The following SLC5A11 variants were observed in gnomAD, a reference collection of about 807,000 sequenced individuals.
The protein encoded by SLC5A11 is solute carrier family 5 member 11, also known as sodium/myo-inositol cotransporter 2.
SLC5A11 carries 48 observed loss-of-function variants against 69.8 expected under a neutral mutation model. That is an observed-to-expected ratio of 0.69 (90% CI 0.55 to 0.87). SLC5A11 has a LOEUF of 0.87. Among genes scored for constraint, SLC5A11 ranks in the 40% least tolerant of loss-of-function variants. The probability of loss-of-function intolerance (pLI) is 0.00; values close to 1 mark genes in which losing one functional copy is unlikely to be tolerated. For synonymous variants in SLC5A11, 319 were observed against 342.4 expected, an observed-to-expected ratio of 0.93 and a Z score of 0.75; for missense variants, 784 against 866.1, an observed-to-expected ratio of 0.91 and a Z score of 1.19.
intron 9 of SLC5A11, among the ~76,000 whole-genome samples, chr16:24,895,684 A>G (rs931412671): frequency 8.6e-5 from 13 of 151,996 alleles, no homozygotes; most frequent in Admixed American, 3.9e-4. Context: ...TGACCGGCTG[A>G]ATGTGCTGTG....
chr16:24,901,940 A>ACG (rs1555532942), intron 10 of SLC5A11, among the ~76,000 whole-genome samples: 1 of 115,236 alleles, frequency 8.7e-6, no homozygotes, highest in African/African-American at 3.6e-5. Context: ...ATACACACAC[A>ACG]CACACACACA....
At chr16:24,871,948 G>C (rs958525847) in intron 4 of SLC5A11, among the ~76,000 whole-genome samples, 1 of 152,060 alleles carries the variant, frequency 6.6e-6, no homozygotes, top group Non-Finnish European at 1.5e-5. Context: ...CATCGCAAAG[G>C]CCTTCTTTTT....
At chr16:24,907,070 C>A (rs774714960) in exon 12 of SLC5A11, 4 of 1,614,060 alleles carry the variant, frequency 2.5e-6, no homozygotes, top group Non-Finnish European at 3.4e-6. Context: ...GCTCTCATGT[C>A]CTCCCTCACC....
chr16:24,869,545 A>G (rs2047141368), intron 3 of SLC5A11, among the ~76,000 whole-genome samples: 1 of 152,154 alleles, frequency 6.6e-6, no homozygotes, highest in African/African-American at 2.4e-5. Context: ...CTCATCATGA[A>G]TCACTTTCTA....
chr16:24,875,564 GT>G (rs199554083), intron 5 of SLC5A11, 62 bp from the exon 7 acceptor site: 1 of 1,306,928 alleles, frequency 7.7e-7, no homozygotes, highest in Non-Finnish European at 1.1e-6. Context: ...AAGGGCTTGT[GT>G]GGGGGGGTCA....
intron 9 of SLC5A11, among the ~76,000 whole-genome samples, chr16:24,894,969 A>G (rs2049051711): frequency 6.6e-6 from 1 of 151,542 alleles, no homozygotes; most frequent in South Asian, 2.1e-4. Flanking sequence ...AAATTTAAAA[A>G]ATATTAATAG....
chr16:24,869,785 G>T, intron 3 of SLC5A11, 116 bp from the exon 5 acceptor site: 2 of 677,586 alleles, frequency 3.0e-6, no homozygotes, highest in South Asian at 3.6e-5. Flanking sequence ...GCTAGGGGTG[G>T]CCCTGCCTTC....
intron 8 of SLC5A11, among the ~76,000 whole-genome samples, chr16:24,887,178 T>C (rs2048450861): frequency 6.6e-6 from 1 of 152,110 alleles, no homozygotes; most frequent in Non-Finnish European, 1.5e-5. Context: ...TTCTGAACCA[T>C]GCAAAGACTT....
intron 3 of SLC5A11, among the ~76,000 whole-genome samples, chr16:24,863,098 A>T (rs369566407): frequency 8.0e-6 from 1 of 124,762 alleles, no homozygotes; most frequent in Non-Finnish European, 1.9e-5. Flanking sequence ...TAATAGATAT[A>T]TATTATATAT....
intron 10 of SLC5A11, among the ~76,000 whole-genome samples, chr16:24,900,601 T>A (rs1053332149): frequency 3.3e-5 from 5 of 152,036 alleles, no homozygotes; most frequent in Admixed American, 2.6e-4. Context: ...GTTCAGCAAG[T>A]CTTGACATAG....
At chr16:24,896,699 G>C (rs564691229) in intron 9 of SLC5A11, among the ~76,000 whole-genome samples, 1 of 152,278 alleles carries the variant, frequency 6.6e-6, no homozygotes, top group South Asian at 2.1e-4. Flanking sequence ...GAGAGGTGAA[G>C]TTGCTTGCCC....
At chr16:24,858,920 C>T (rs2059648503) in intron 2 of SLC5A11, 142 bp downstream of exon 3, 5 of 1,138,122 alleles carry the variant, frequency 4.4e-6, no homozygotes, top group Middle Eastern at 2.9e-4. Context: ...GTAATCAGAA[C>T]TTAAAAATTT....
chr16:24,897,262 CTTT>C (rs2049249663), intron 9 of SLC5A11, among the ~76,000 whole-genome samples: 1 of 151,920 alleles, frequency 6.6e-6, no homozygotes, highest in Non-Finnish European at 1.5e-5. Flanking sequence ...CCTCCTTTGC[CTTT>C]TTAAGGAAGA....
chr16:24,868,596 CAAAAA>C (rs71156448), intron 3 of SLC5A11, among the ~76,000 whole-genome samples: 1 of 123,942 alleles, frequency 8.1e-6, no homozygotes. Flanking sequence ...GACTCCGCCT[CAAAAA>C]AAAAAAAAAA....
chr16:24,849,593 A>AAAAAAAAATATATATATAT, intron 1 of SLC5A11, among the ~76,000 whole-genome samples: 1 of 35,908 alleles, frequency 2.8e-5, no homozygotes, highest in Admixed American at 3.8e-4. Context: ...AAAAAAAAAA[A>AAAAAAAAATATATATATAT]ATATATATAT....
chr16:24,861,599 AAGGAAGGG>A (rs1351363853), intron 2 of SLC5A11, among the ~76,000 whole-genome samples: 7 of 147,164 alleles, frequency 4.8e-5, no homozygotes, highest in Non-Finnish European at 3.0e-5. Context: ...GAAAGGAAGG[AAGGAAGGG>A]AGGGAGGAAG....
intron 1 of SLC5A11, among the ~76,000 whole-genome samples, chr16:24,853,026 C>T (rs1437928771): frequency 6.6e-6 from 1 of 151,482 alleles, no homozygotes; most frequent in Non-Finnish European, 1.5e-5. Flanking sequence ...GAGCATGGTG[C>T]ACAGCCGGTG....
intron 10 of SLC5A11, among the ~76,000 whole-genome samples, chr16:24,906,198 GGGCA>G: frequency 6.6e-6 from 1 of 151,868 alleles, no homozygotes; most frequent in South Asian, 2.1e-4. Flanking sequence ...AAAATTAGCC[GGGCA>G]TGGTGGTGGG....
chr16:24,870,317 C>T (rs544658573), intron 4 of SLC5A11, among the ~76,000 whole-genome samples: 248 of 151,972 alleles, frequency 1.6e-3, no homozygotes, highest in Admixed American at 4.8e-3. Flanking sequence ...CATCTGAACC[C>T]GGGAGGCGGA....
Sources: allele counts gnomAD v4.1 joint callset (sites outside exome capture counted in the v4.1 genomes callset), GRCh38; gene constraint gnomAD v4.1.1; transcripts MANE v1.5; gene names NCBI Gene and HGNC (gene_info 2026-07-23, HGNC 2026-07-21).